The following PWWP2B variants were observed in gnomAD, a reference collection of about 807,000 sequenced individuals.
PWWP2B encodes the protein PWWP domain-containing protein 2B.
PWWP2B carries 9 observed loss-of-function variants against 15.5 expected under a neutral mutation model. That is an observed-to-expected ratio of 0.58 (90% CI 0.35 to 1.02). PWWP2B has a LOEUF of 1.02. Ranked by LOEUF, PWWP2B falls within the 50% of genes least tolerant of loss-of-function variation. PWWP2B has a pLI of 0.02. For missense variants in PWWP2B, 864 were observed against 865.3 expected (o/e 1.00, Z 0.02); for synonymous variants, 474 against 403.6 (o/e 1.17, Z -2.09).
chr10:132,416,845 G>C lies in PWWP2B; in HGVS notation c.*17-216G>C, dbSNP rs144565365. On this transcript the variant is annotated intron_variant, in intron 2 of 2. Coordinates refer to ENST00000305233, the MANE Select transcript of PWWP2B (RefSeq NM_138499.4). ...CTGCGGGACTTCAGGGCTGTGGTCT[G>C]AGCCCCCAAGCATGGAAGACCCTGC... is the stretch of plus-strand genomic sequence containing the variant. 2.6e-3 allele frequency among the ~76,000 whole-genome samples: 392 copies of C among 152,140 alleles called. 1 individual carries two copies. Among genetic ancestry groups the C allele is most frequent in the African/African-American group, 9.0e-3 (373 of 41,518 alleles).
chr10:132,408,766 C>T (rs2069737492), intron 2 of PWWP2B, among the ~76,000 whole-genome samples: 1 of 152,244 alleles, frequency 6.6e-6, no homozygotes, highest in South Asian at 2.1e-4. Context: ...CCAGCATCTA[C>T]CCATGAGAGA....
chr10:132,409,514 C>T (rs1348795292), intron 2 of PWWP2B, among the ~76,000 whole-genome samples: 4 of 152,158 alleles, frequency 2.6e-5, no homozygotes, highest in South Asian at 2.1e-4. Flanking sequence ...CTGGGCCCAC[C>T]GAGCCTGAGA....
In PWWP2B at chr10:132,404,852, C is replaced by A; in HGVS notation, c.352C>A (p.Pro118Thr). The A allele has an allele frequency of 2.5e-6, 4 of 1,588,666 alleles. No individual in the cohort carries two copies. Among genetic ancestry groups the A allele is most frequent in the Non-Finnish European group, 3.4e-6 (4 of 1,174,266 alleles). ...GCCCGCCGGAAGCCTGCCCCCGTAC[C>A]CTCCCTACTTCGAAGGCGCCCCCTT... ...PLPAGSLPPY[P>T]PYFEGAPFPH... Residue 118 changes from proline (P) to threonine (T), a missense_variant, in exon 2 of 3, where the codon CCT (proline) becomes ACT (threonine). Pro to Thr is a conservative substitution (Grantham distance 38, BLOSUM62 -1). Transcript: ENST00000305233.
chr10:132,401,085 C>T (rs2069608906), intron 1 of PWWP2B, among the ~76,000 whole-genome samples: 1 of 152,206 alleles, frequency 6.6e-6, no homozygotes, highest in Admixed American at 6.5e-5. Context: ...GACATCCAGG[C>T]GAGGCCCCAG....
At chr10:132,412,492 G>T (rs572977761) in intron 2 of PWWP2B, among the ~76,000 whole-genome samples, 1 of 152,182 alleles carries the variant, frequency 6.6e-6, no homozygotes, top group Admixed American at 6.5e-5. Context: ...GGGAGCTCCT[G>T]CCCGGCAGGA....
rs753481720 is a variant in PWWP2B, at chr10:132,405,382, C to G, written c.882C>G (p.Pro294=). The G allele has an allele frequency of 1.2e-6, 2 of 1,611,158 alleles. No individual in the cohort carries two copies. Among genetic ancestry groups the G allele is most frequent in the Non-Finnish European group, 1.7e-6 (2 of 1,179,114 alleles). ...QAPQDDGSQD[P]EVLDRESRDR... Reference sequence around the variant, plus strand: ...CGCAGGACGACGGCAGCCAGGACCCCGAGGTGCTGGACAGAGAGTCCCGGG... The same window carrying G: ...CGCAGGACGACGGCAGCCAGGACCCGGAGGTGCTGGACAGAGAGTCCCGGG... Residue 294 remains proline (P), a synonymous_variant, in exon 2 of 3, where the codon CCC becomes CCG. Coordinates refer to ENST00000305233, the MANE Select transcript of PWWP2B (RefSeq NM_138499.4).
intron 1 of PWWP2B, among the ~76,000 whole-genome samples, chr10:132,401,198 T>C (rs1216618927): frequency 6.6e-6 from 1 of 152,230 alleles, no homozygotes. Context: ...TGCTGTGCCA[T>C]TGGGAGTGGC....
At chr10:132,415,801 C>T (rs2069845810) in intron 2 of PWWP2B, among the ~76,000 whole-genome samples, 1 of 152,238 alleles carries the variant, frequency 6.6e-6, no homozygotes, top group Non-Finnish European at 1.5e-5. Context: ...GATTTTAGCC[C>T]ATCCATGTAG....
chr10:132,403,184 C>A lies in PWWP2B; in HGVS notation c.126-1442C>A, dbSNP rs552824103. 7.9e-5 allele frequency among the ~76,000 whole-genome samples: 12 copies of A among 152,308 alleles called. No homozygotes were observed. In the South Asian group the frequency reaches 2.1e-3, roughly 26 times the overall value. ...GGTGCCTGGCCAGAGGAGAATGGGGCGGGTGGCGCTCACTCTGACCACCCC... is the reference window on the plus strand; with the variant it reads ...GGTGCCTGGCCAGAGGAGAATGGGGAGGGTGGCGCTCACTCTGACCACCCC... On this transcript the variant is annotated intron_variant, in intron 1 of 2. Coordinates refer to ENST00000305233, the MANE Select transcript of PWWP2B (RefSeq NM_138499.4).
At chr10:132,400,386 A>G (rs537669159) in intron 1 of PWWP2B, among the ~76,000 whole-genome samples, 7 of 152,090 alleles carry the variant, frequency 4.6e-5, no homozygotes, top group Non-Finnish European at 1.0e-4. Flanking sequence ...GAGAGGGACT[A>G]TGCTGACGGC....
rs949909290 is a variant in PWWP2B, at chr10:132,397,246, G to T, written c.20G>T (p.Cys7Phe). The change falls in exon 1 of 3, where the codon TGC becomes TTC. Residue 7 changes from cysteine to phenylalanine, a missense_variant. Transcript: ENST00000305233. ...GGGAGCATGGAGCCGCGCGCCGGCT[G>T]CCGGCTGCCGGTGCGGGTGGAGCAG... MEPRAGCRLPVRVEQVV... is the reference protein window; with the variant it reads MEPRAGFRLPVRVEQVV... 3 of 1,269,430 alleles carry T rather than the reference G, an allele frequency of 2.4e-6. No individual in the cohort carries two copies. Among genetic ancestry groups the T allele is most frequent in the South Asian group, 2.4e-5 (1 of 41,410 alleles). The allele number at this position is 1,269,430 out of a possible 1,614,324, so 78.6% of individuals were successfully genotyped here. A position where few individuals can be genotyped will look rare whatever the true frequency, so the allele number is the denominator to read the frequency against.
Position 132,405,834 on chromosome 10 carries a change from A to G in PWWP2B, c.1334A>G (p.Asp445Gly). 1 of 1,609,962 alleles carries G rather than the reference A, an allele frequency of 6.2e-7. No homozygotes were observed. Among genetic ancestry groups the G allele is most frequent in the South Asian group, 1.1e-5 (1 of 91,040 alleles). Residue 445 changes from aspartate (D) to glycine (G), a missense_variant, in exon 2 of 3, where the codon GAC (aspartate) becomes GGC (glycine). Physicochemically the swap from Asp to Gly is moderately conservative, Grantham distance 94. Around this residue, in one of 2 missense-constraint regions of PWWP2B, gnomAD observed 736 missense variants for 687.7 expected, o/e 1.07. Coordinates refer to ENST00000305233, the MANE Select transcript of PWWP2B (RefSeq NM_138499.4). ...GAAGGGACGCCGGCAGACACGGGTG[A>G]CCTCTCGCCTGGCCACGGCGCGTCA... The part of the protein sequence containing the change: ...GSEGTPADTG[D>G]LSPGHGASAP...
At chr10:132,399,138 C>T (rs972246266) in intron 1 of PWWP2B, among the ~76,000 whole-genome samples, 9 of 152,120 alleles carry the variant, frequency 5.9e-5, no homozygotes, top group Non-Finnish European at 7.4e-5. Context: ...TCCAGCCCTG[C>T]CTCGGACCGC....
chr10:132,397,547 G>T (rs984462831), intron 1 of PWWP2B, among the ~76,000 whole-genome samples, 196 bp downstream of exon 1: 8 of 150,190 alleles, frequency 5.3e-5, no homozygotes, highest in African/African-American at 1.7e-4. Context: ...TCTCAAAGTC[G>T]TCGCGACTTT....
intron 2 of PWWP2B, among the ~76,000 whole-genome samples, chr10:132,410,228 G>A (rs2069759441): frequency 6.6e-6 from 1 of 152,108 alleles, no homozygotes; most frequent in African/African-American, 2.4e-5. Flanking sequence ...CATCCTCAGG[G>A]GTGGCTCCAG....
intron 2 of PWWP2B, among the ~76,000 whole-genome samples, chr10:132,411,929 C>G (rs1802387381): frequency 6.6e-6 from 1 of 152,258 alleles, no homozygotes; most frequent in African/African-American, 2.4e-5. Context: ...GACTTCCCTG[C>G]GTTGCTTTCA....
chr10:132,417,205 G>A lies in PWWP2B; in HGVS notation c.*161G>A, dbSNP rs968023723. The A allele has an allele frequency of 3.9e-6, 4 of 1,031,822 alleles. No homozygotes were observed. The highest frequency in any genetic ancestry group is 2.0e-4 in the Middle Eastern group (1 of 4,938). The allele number at this position is 1,031,822 out of a possible 1,614,324, so 63.9% of individuals were successfully genotyped here. ...GAGGCCCCCCGGGGACCGGCAGTGT[G>A]TCCAGGGAGGGGATGGCCCTGAGCC... is the stretch of plus-strand genomic sequence containing the variant. On this transcript the variant is annotated 3_prime_UTR_variant, in exon 3 of 3. Transcript: ENST00000305233.
chr10:132,409,703 G>A (rs1033605479), intron 2 of PWWP2B, among the ~76,000 whole-genome samples: 4 of 148,716 alleles, frequency 2.7e-5, no homozygotes, highest in African/African-American at 7.4e-5. Flanking sequence ...GCTAGAAGGG[G>A]GCCAAATGGG....
At chr10:132,409,178 G>A (rs190382411) in intron 2 of PWWP2B, among the ~76,000 whole-genome samples, 233 of 152,318 alleles carry the variant, frequency 1.5e-3, no homozygotes, top group African/African-American at 5.2e-3. Flanking sequence ...CGGTGGTCAC[G>A]GCCGGCTCCA....
Sources: allele counts gnomAD v4.1 joint callset (sites outside exome capture counted in the v4.1 genomes callset), GRCh38; gene constraint gnomAD v4.1.1; regional missense constraint gnomAD v4.1.1; transcripts MANE v1.5; gene names NCBI Gene and HGNC (gene_info 2026-07-23, HGNC 2026-07-21).